KDM3A: variants seen among roughly 807,000 people sequenced by gnomAD.
KDM3A encodes lysine demethylase 3A, also known as lysine-specific demethylase 3A.
In KDM3A, 60 loss-of-function variants were observed where a neutral mutation model predicts 158.0. The observed-to-expected ratio is 0.38, with a 90% CI of 0.31 to 0.47. The LOEUF is 0.47. Among genes scored for constraint, KDM3A ranks in the 20% least tolerant of loss-of-function variants. KDM3A has a pLI of 0.99. For missense variants in KDM3A, 1,319 were observed against 1,574.3 expected (o/e 0.84, Z 2.74); for synonymous variants, 608 against 549.3 (o/e 1.11, Z -1.49).
Position 86,481,856 on chromosome 2 carries a change from C to T in KDM3A, c.2513-74C>T, listed in dbSNP as rs1673945457. The T allele has an allele frequency of 1.5e-5, 17 of 1,133,456 alleles. No homozygotes were observed. In the South Asian group the frequency reaches 1.8e-4, roughly 12 times the overall value. The allele number at this position is 1,133,456 out of a possible 1,614,324, so 70.2% of individuals were successfully genotyped here. ...ATAGAAAGCAAGTTCTAAAGTAATT[C>T]TGCTAGTAGAATACTAATAAGGGAT... is the stretch of plus-strand genomic sequence containing the variant. On this transcript the variant is annotated intron_variant, in intron 16 of 25. Coordinates refer to ENST00000312912, the MANE Select transcript of KDM3A (RefSeq NM_018433.6).
chr2:86,461,793 A>G (rs963540379), intron 8 of KDM3A, among the ~76,000 whole-genome samples: 12 of 152,208 alleles, frequency 7.9e-5, no homozygotes, highest in South Asian at 4.1e-4. Context: ...AGCCAGAGAG[A>G]TAACAAGTAC....
intron 17 of KDM3A, 151 bp from the exon 18 acceptor site, chr2:86,482,307 G>A: frequency 1.5e-6 from 2 of 1,310,402 alleles, no homozygotes; most frequent in Admixed American, 2.5e-5. Flanking sequence ...ACTTCTATGA[G>A]TTGTCAAGTG....
chr2:86,471,612 T>A (rs1673415344), intron 11 of KDM3A, among the ~76,000 whole-genome samples: 1 of 152,150 alleles, frequency 6.6e-6, no homozygotes, highest in African/African-American at 2.4e-5. Flanking sequence ...CCCTTTTCAT[T>A]TTATCTAAGT....
At chr2:86,472,115 A>G (rs1673443827) in intron 11 of KDM3A, among the ~76,000 whole-genome samples, 1 of 151,762 alleles carries the variant, frequency 6.6e-6, no homozygotes, top group Non-Finnish European at 1.5e-5. Context: ...ATTTTAGGGA[A>G]GGGATAATTT....
At chr2:86,479,177 A>C (rs1035575168) in intron 15 of KDM3A, 6 of 153,950 alleles carry the variant, frequency 3.9e-5, no homozygotes, top group African/African-American at 1.4e-4. Flanking sequence ...GTTGCCCATC[A>C]CACAATGTAA....
intron 2 of KDM3A, among the ~76,000 whole-genome samples, chr2:86,445,528 T>C (rs550888147): frequency 1.3e-5 from 2 of 152,312 alleles, no homozygotes; most frequent in South Asian, 2.1e-4. Context: ...CCTTAACTTG[T>C]CCTTTTTTCT....
intron 11 of KDM3A, among the ~76,000 whole-genome samples, chr2:86,472,592 T>C (rs182451978): frequency 1.8e-4 from 28 of 152,368 alleles, no homozygotes; most frequent in African/African-American, 6.7e-4. Context: ...ATCTCTCATT[T>C]TGACTGCTTG....
At chr2:86,451,524 C>T (rs1178771017) in intron 4 of KDM3A, among the ~76,000 whole-genome samples, 1 of 152,098 alleles carries the variant, frequency 6.6e-6, no homozygotes, top group Non-Finnish European at 1.5e-5. Context: ...ATTTAGTATT[C>T]ATTAAGTGGA....
At chr2:86,441,973 T>C (rs1345052892) in intron 1 of KDM3A, 45 bp from the exon 2 acceptor site, 4 of 958,026 alleles carry the variant, frequency 4.2e-6, no homozygotes, top group South Asian at 1.3e-5. Flanking sequence ...CCCGGCCCCC[T>C]CCCACCGGCC....
intron 21 of KDM3A, chr2:86,487,342 C>T (rs933245388): frequency 4.6e-5 from 7 of 152,146 alleles, no homozygotes; most frequent in Admixed American, 3.9e-4. Context: ...ATGATGTGTT[C>T]ATTTTCAAAC....
chr2:86,478,120 G>A lies in KDM3A; in HGVS notation c.2093-50G>A, dbSNP rs778233724. On this transcript the variant is annotated intron_variant, in intron 13 of 25. Transcript: ENST00000312912. ...GTGTTTGGCGGGTTTCTTGAAGCAT[G>A]TGGAGACAGAGTCTGTAAAGAACAG... The A allele has an allele frequency of 4.4e-6, 7 of 1,608,856 alleles. No individual in the cohort carries two copies. The Admixed American group carries it at 1.0e-4, about 23-fold the overall frequency.
chr2:86,447,844 T>C (rs1474209789), intron 2 of KDM3A, among the ~76,000 whole-genome samples: 1 of 152,238 alleles, frequency 6.6e-6, no homozygotes, highest in African/African-American at 2.4e-5. Flanking sequence ...TTGTGTGTGC[T>C]CATTCCTCTT....
At chr2:86,490,707 T>C in intron 23 of KDM3A, 174 bp from the exon 24 acceptor site, 2 of 541,992 alleles carry the variant, frequency 3.7e-6, no homozygotes, top group Non-Finnish European at 6.5e-6. Context: ...GTCATTCTTC[T>C]GTTGGTTCAT....
chr2:86,469,334 G>A (rs1166246963), intron 10 of KDM3A, among the ~76,000 whole-genome samples: 2 of 152,088 alleles, frequency 1.3e-5, no homozygotes, highest in Admixed American at 1.3e-4. Flanking sequence ...ACTTTCGTTT[G>A]TTTGCCTAAA....
At chr2:86,445,757 T>A (rs1051575347) in intron 2 of KDM3A, among the ~76,000 whole-genome samples, 4 of 152,216 alleles carry the variant, frequency 2.6e-5, no homozygotes, top group African/African-American at 9.6e-5. Context: ...AAAAAACTTC[T>A]AGCACGGTAT....
chr2:86,459,147 T>C (rs1672824226), intron 8 of KDM3A, among the ~76,000 whole-genome samples: 1 of 152,142 alleles, frequency 6.6e-6, no homozygotes, highest in Admixed American at 6.5e-5. Flanking sequence ...TTATTTATGA[T>C]ACTATATAGT....
upstream of KDM3A, among the ~76,000 whole-genome samples, chr2:86,439,602 A>G (rs989078695): frequency 1.3e-5 from 2 of 152,136 alleles, no homozygotes; most frequent in African/African-American, 2.4e-5. Flanking sequence ...ATTTAATTAC[A>G]TAATCTAAGT....
intron 23 of KDM3A, 119 bp downstream of exon 23, chr2:86,489,778 G>A: frequency 9.3e-7 from 1 of 1,078,958 alleles, no homozygotes; most frequent in Non-Finnish European, 1.3e-6. Flanking sequence ...AGTTAAATCT[G>A]TACCTGTCAG....
Position 86,474,875 on chromosome 2 carries a change from A to C in KDM3A, c.1824A>C (p.Lys608Asn). 6.2e-7 allele frequency: 1 copy of C among 1,614,094 alleles called. No homozygotes were observed. Among genetic ancestry groups the C allele is most frequent in the Non-Finnish European group, 8.5e-7 (1 of 1,180,008 alleles). The change falls in exon 12 of 26, where the codon AAA becomes AAC. Residue 608 changes from lysine (K) to asparagine (N), a missense_variant. Physicochemically the swap from Lys to Asn is moderately conservative, Grantham distance 94. Coordinates refer to ENST00000312912, the MANE Select transcript of KDM3A (RefSeq NM_018433.6). ...TTGGCTTGTGGTTACCTTTAACCAA[A>C]AACGTTGTGGGGATTGATTTGGACA... ...EAIGLWLPLTKNVVGIDLDTA... is the reference protein window; with the variant it reads ...EAIGLWLPLTNNVVGIDLDTA...
Sources: gnomAD v4.1 joint callset for allele counts (sites outside exome capture counted in the v4.1 genomes callset) on GRCh38, gnomAD v4.1.1 for gene constraint, MANE v1.5 for transcripts, NCBI Gene and HGNC (gene_info 2026-07-23, HGNC 2026-07-21) for gene names.